Variants in ITPR1 observed in about 807,000 individuals in gnomAD.
The protein encoded by ITPR1 is inositol 1,4,5-trisphosphate-gated calcium channel ITPR1.
ITPR1 carries 96 observed loss-of-function variants against 318.4 expected under a neutral mutation model. That is an observed-to-expected ratio of 0.30 (90% CI 0.26 to 0.36). The LOEUF (loss-of-function observed/expected upper bound fraction) is 0.36. ITPR1 is among the 10% of genes least tolerant of loss of function. The probability of loss-of-function intolerance (pLI) is 1.00; values close to 1 mark genes in which losing one functional copy is unlikely to be tolerated. For synonymous variants in ITPR1, 1,312 were observed against 1,289.9 expected (o/e 1.02, Z -0.37); for missense variants, 2,440 against 3,460.2 (o/e 0.71, Z 7.40).
At chr3:4,717,319 C>A in intron 39 of ITPR1, 48 bp from the exon 40 acceptor site, 1 of 1,492,484 alleles carries the variant, frequency 6.7e-7, no homozygotes, top group Non-Finnish European at 9.2e-7. Context: ...GCTTGTATTT[C>A]CTTTCCTAAC....
intron 44 of ITPR1, among the ~76,000 whole-genome samples, chr3:4,753,484 C>T (rs1007546911): frequency 3.3e-5 from 5 of 152,052 alleles, no homozygotes; most frequent in African/African-American, 7.2e-5. Context: ...TCTCTGTGGC[C>T]GTGTGGAAGT....
At chr3:4,743,572 G>A (rs578013042) in intron 44 of ITPR1, among the ~76,000 whole-genome samples, 4 of 152,318 alleles carry the variant, frequency 2.6e-5, no homozygotes, top group Admixed American at 1.3e-4. Flanking sequence ...ATCCCTTTGA[G>A]GTGGTCCCAG....
At chr3:4,654,459 C>T (rs531214666) in intron 12 of ITPR1, among the ~76,000 whole-genome samples, 2 of 152,298 alleles carry the variant, frequency 1.3e-5, no homozygotes, top group African/African-American at 2.4e-5. Flanking sequence ...GAGACCATAT[C>T]GCCAAGTAAT....
At chr3:4,599,406 C>G (rs1198137106) in intron 4 of ITPR1, among the ~76,000 whole-genome samples, 1 of 152,134 alleles carries the variant, frequency 6.6e-6, no homozygotes, top group East Asian at 1.9e-4. Flanking sequence ...ACATAAAAAA[C>G]AAATTTCTGG....
At chr3:4,795,290 T>TC in intron 53 of ITPR1, 103 bp downstream of exon 53, 3 of 989,522 alleles carry the variant, frequency 3.0e-6, no homozygotes, top group Non-Finnish European at 4.3e-6. Context: ...GTACTGGGGA[T>TC]CCCAGTTATC....
intron 4 of ITPR1, among the ~76,000 whole-genome samples, chr3:4,612,164 C>G (rs1262442536): frequency 7.0e-6 from 1 of 143,366 alleles, no homozygotes; most frequent in Non-Finnish European, 1.5e-5. Flanking sequence ...TGTGTTCAAG[C>G]AATTCTCCTG....
At chr3:4,747,511 C>T (rs2044196851) in intron 44 of ITPR1, among the ~76,000 whole-genome samples, 1 of 152,314 alleles carries the variant, frequency 6.6e-6, no homozygotes, top group Admixed American at 6.5e-5. Context: ...TGTGCCTCCA[C>T]ATTTTGTTTT....
chr3:4,845,884 T>C (rs189848827), intron 61 of ITPR1, among the ~76,000 whole-genome samples: 24 of 152,354 alleles, frequency 1.6e-4, no homozygotes, highest in African/African-American at 4.6e-4. Context: ...TTTATTGTTT[T>C]TTGTTTCTTT....
At chr3:4,720,709 C>T (rs1025841318) in intron 40 of ITPR1, among the ~76,000 whole-genome samples, 4 of 152,122 alleles carry the variant, frequency 2.6e-5, no homozygotes, top group African/African-American at 4.8e-5. Flanking sequence ...CTACTCAGGG[C>T]GGCTGCAGCC....
At chr3:4,716,621 A>T (rs58109310) in intron 39 of ITPR1, among the ~76,000 whole-genome samples, 32,650 of 152,142 alleles carry the variant, frequency 0.21, 4,113 homozygotes, top group African/African-American at 0.35. Context: ...TAACATTTCC[A>T]GCTACTAGTG....
chr3:4,845,403 T>C (rs2051688734), intron 61 of ITPR1, among the ~76,000 whole-genome samples: 1 of 152,214 alleles, frequency 6.6e-6, no homozygotes, highest in African/African-American at 2.4e-5. Context: ...TAGAGACCCA[T>C]CAACATGAGA....
chr3:4,706,361 G>T lies in ITPR1; in HGVS notation c.4842+10G>T, dbSNP rs1469801027. On this transcript the variant is annotated intron_variant, in intron 37 of 61. Coordinates refer to ENST00000649015, the MANE Select transcript of ITPR1 (RefSeq NM_001378452.1). Reference sequence around the variant, plus strand: ...CATTGAGAGATTGCAGGTAATGCCTGGTGTTGAGAGAAGTGATGCTTAGCC... The same window carrying T: ...CATTGAGAGATTGCAGGTAATGCCTTGTGTTGAGAGAAGTGATGCTTAGCC... The T allele has an allele frequency of 6.3e-7, 1 of 1,597,496 alleles. No individual in the cohort carries two copies. Among genetic ancestry groups the T allele is most frequent in the Admixed American group, 1.7e-5 (1 of 59,428 alleles).
intron 52 of ITPR1, among the ~76,000 whole-genome samples, chr3:4,790,881 C>CA (rs1206553219): frequency 1.3e-5 from 2 of 152,242 alleles, no homozygotes; most frequent in Non-Finnish European, 2.9e-5. Context: ...TCTGTGCACT[C>CA]ACATCCTCTC....
chr3:4,766,703 G>A lies in ITPR1; in HGVS notation c.5718G>A (p.Arg1906=). 1 of 1,591,584 alleles carries A rather than the reference G, an allele frequency of 6.3e-7. No homozygotes were observed. The highest frequency in any genetic ancestry group is 1.8e-5 in the Admixed American group (1 of 55,582). The change falls in exon 45 of 62, where the codon CGG becomes CGA. Residue 1906 remains arginine, a synonymous_variant. Coordinates refer to ENST00000649015, the MANE Select transcript of ITPR1 (RefSeq NM_001378452.1). ...DDEVDRDAPS[R]KKAKEPTTQI... ...AGGTAGACAGGGATGCCCCATCACGGAAAAAAGGTAAATGTTCCTCAGTCT... is the reference window on the plus strand; with the variant it reads ...AGGTAGACAGGGATGCCCCATCACGAAAAAAAGGTAAATGTTCCTCAGTCT...
chr3:4,711,273 G>T (rs1473914991), intron 38 of ITPR1, among the ~76,000 whole-genome samples: 1 of 150,322 alleles, frequency 6.7e-6, no homozygotes, highest in Non-Finnish European at 1.5e-5. Context: ...TGTTTAGCTT[G>T]GGGCTGGACT....
At chr3:4,647,934 C>T (rs1257800342) in intron 10 of ITPR1, among the ~76,000 whole-genome samples, 1 of 151,804 alleles carries the variant, frequency 6.6e-6, no homozygotes, top group Non-Finnish European at 1.5e-5. Flanking sequence ...GGTGGATCAC[C>T]TGAGGTCGGG....
chr3:4,721,170 G>GTATATATATATA (rs1204537563), intron 40 of ITPR1, among the ~76,000 whole-genome samples: 2 of 13,564 alleles, frequency 1.5e-4, no homozygotes, highest in Admixed American at 1.3e-3. Flanking sequence ...GTGTGTGTGC[G>GTATATATATATA]TGTATATATA....
At chr3:4,586,983 T>C (rs1335680443) in intron 4 of ITPR1, among the ~76,000 whole-genome samples, 1 of 152,110 alleles carries the variant, frequency 6.6e-6, no homozygotes, top group Admixed American at 6.5e-5. Flanking sequence ...CCAAGCTTGA[T>C]TGTACTGGGA....
intron 4 of ITPR1, among the ~76,000 whole-genome samples, chr3:4,582,262 A>G (rs73102493): frequency 0.16 from 24,243 of 151,904 alleles, 2,526 homozygotes; most frequent in African/African-American, 0.3. Flanking sequence ...TGGGTTCTAG[A>G]CTTGTTCGAA....
Sources: allele counts gnomAD v4.1 joint callset (sites outside exome capture counted in the v4.1 genomes callset), GRCh38; gene constraint gnomAD v4.1.1; transcripts MANE v1.5; gene names NCBI Gene and HGNC (gene_info 2026-07-23, HGNC 2026-07-21).